The following PTCHD4 variants were observed in gnomAD, a reference collection of about 807,000 sequenced individuals.
PTCHD4 encodes patched domain-containing protein 4.
Under a neutral mutation model 58.1 loss-of-function variants are expected in PTCHD4, and 33 were observed. That is an observed-to-expected ratio of 0.57 (90% confidence interval 0.43 to 0.76). PTCHD4 has a LOEUF of 0.76. PTCHD4 is among the 30% of genes least tolerant of loss of function. The pLI, the probability that PTCHD4 is intolerant of heterozygous loss-of-function variation, is 0.00. For synonymous variants in PTCHD4, 478 were observed against 409.6 expected (o/e 1.17, Z -2.02); for missense variants, 1,058 against 1,027.1 (o/e 1.03, Z -0.41).
chr6:47,965,755 C>G (rs1390291425), intron 4 of PTCHD4, among the ~76,000 whole-genome samples: 1 of 151,948 alleles, frequency 6.6e-6, no homozygotes, highest in Admixed American at 6.6e-5. Context: ...GGTGAAACCC[C>G]GTCTCTACTA....
chr6:47,951,825 A>C (rs1236092061), intron 4 of PTCHD4, among the ~76,000 whole-genome samples: 1 of 152,132 alleles, frequency 6.6e-6, no homozygotes, highest in Admixed American at 6.6e-5. Context: ...ATATTACAAT[A>C]ATCTTTAGAA....
At chr6:48,028,454 A>C (rs1438623699) in intron 3 of PTCHD4, among the ~76,000 whole-genome samples, 1 of 152,148 alleles carries the variant, frequency 6.6e-6, no homozygotes, top group Non-Finnish European at 1.5e-5. Flanking sequence ...AAGGAATTTT[A>C]TGTGTGATGA....
chr6:47,977,198 T>C (rs1020154941), intron 4 of PTCHD4, among the ~76,000 whole-genome samples: 1 of 152,068 alleles, frequency 6.6e-6, no homozygotes, highest in Non-Finnish European at 1.5e-5. Context: ...TGACTCTCAA[T>C]GATCCACACC....
intron 4 of PTCHD4, among the ~76,000 whole-genome samples, chr6:47,989,034 G>A (rs1477969013): frequency 6.6e-6 from 1 of 152,234 alleles, no homozygotes. Flanking sequence ...TAGCGATATG[G>A]ACGATAAGGT....
At chr6:47,994,833 G>A (rs878920055) in intron 4 of PTCHD4, among the ~76,000 whole-genome samples, 1 of 152,136 alleles carries the variant, frequency 6.6e-6, no homozygotes, top group Non-Finnish European at 1.5e-5. Context: ...GATAGGGTGA[G>A]GGAATACAGG....
intron 4 of PTCHD4, among the ~76,000 whole-genome samples, chr6:47,909,115 T>A (rs1244838043): frequency 6.6e-6 from 1 of 152,290 alleles, no homozygotes; most frequent in South Asian, 2.1e-4. Context: ...ACAGGCTTAA[T>A]GCTACTTTAG....
chr6:47,884,921 T>A (rs969604897), intron 4 of PTCHD4, among the ~76,000 whole-genome samples: 1 of 151,988 alleles, frequency 6.6e-6, no homozygotes, highest in African/African-American at 2.4e-5. Flanking sequence ...TATGAAGAGG[T>A]AGTTGTGTGT....
chr6:47,889,455 TC>T (rs1274977278), intron 4 of PTCHD4, among the ~76,000 whole-genome samples: 1 of 151,680 alleles, frequency 6.6e-6, no homozygotes, highest in Non-Finnish European at 1.5e-5. Context: ...ATAAATGTCT[TC>T]TTTTGAGAAG....
chr6:48,003,104 C>A, intron 4 of PTCHD4, among the ~76,000 whole-genome samples: 1 of 152,162 alleles, frequency 6.6e-6, no homozygotes, highest in East Asian at 1.9e-4. Context: ...AATTTCTAAC[C>A]ATTGAAATGC....
chr6:48,059,042 G>A (rs1159799190), intron 3 of PTCHD4, among the ~76,000 whole-genome samples: 10 of 152,180 alleles, frequency 6.6e-5, no homozygotes, highest in African/African-American at 2.4e-4. Flanking sequence ...GAAGGTCAAC[G>A]CTCAAGAACT....
intron 3 of PTCHD4, among the ~76,000 whole-genome samples, chr6:48,015,229 G>T (rs973105227): frequency 6.6e-6 from 1 of 151,936 alleles, no homozygotes; most frequent in East Asian, 1.9e-4. Context: ...GATGACTTTG[G>T]TTCCTAGCTC....
chr6:47,955,041 A>G (rs1766801179), intron 4 of PTCHD4, among the ~76,000 whole-genome samples: 1 of 152,160 alleles, frequency 6.6e-6, no homozygotes, highest in African/African-American at 2.4e-5. Context: ...AATGATTTAC[A>G]CTCAGTCTCT....
Position 47,870,561 on chromosome 6 carries a change from A to G in PTCHD4, c.*7742T>C, listed in dbSNP as rs1293532114. The stretch of plus-strand genomic sequence containing the variant: ...GAGGTAAATTTTGATAATGGACCAA[A>G]TTCAGGTGAATTGGAAACTTTGGAA... On this transcript the variant is annotated 3_prime_UTR_variant, in exon 5 of 5. Coordinates refer to ENST00000339488, the MANE Select transcript of PTCHD4 (RefSeq NM_001384253.1). Among the ~76,000 whole-genome samples the G allele has an allele frequency of 2.0e-5, 3 of 151,648 alleles. No individual in the cohort carries two copies. Among genetic ancestry groups the G allele is most frequent in the African/African-American group, 7.3e-5 (3 of 41,366 alleles).
At chr6:47,988,331 C>T (rs1219407500) in intron 4 of PTCHD4, among the ~76,000 whole-genome samples, 1 of 152,096 alleles carries the variant, frequency 6.6e-6, no homozygotes, top group African/African-American at 2.4e-5. Flanking sequence ...AACACCCATA[C>T]AATTTTTTGC....
At chr6:47,913,805 T>A (rs1765144130) in intron 4 of PTCHD4, among the ~76,000 whole-genome samples, 1 of 152,136 alleles carries the variant, frequency 6.6e-6, no homozygotes, top group Non-Finnish European at 1.5e-5. Flanking sequence ...CTGCAGAGGT[T>A]GTTAAAATGT....
At chr6:47,942,413 G>A (rs34080914) in intron 4 of PTCHD4, among the ~76,000 whole-genome samples, 505 of 152,178 alleles carry the variant, frequency 3.3e-3, no homozygotes, top group Non-Finnish European at 5.5e-3. Flanking sequence ...CAGGGATTGC[G>A]GAATAAAGAA....
chr6:48,088,751 G>C (rs184614658), intron 1 of PTCHD4, among the ~76,000 whole-genome samples: 6 of 152,198 alleles, frequency 3.9e-5, no homozygotes, highest in Admixed American at 3.9e-4. Flanking sequence ...TAGTTTAAAG[G>C]AATGGGGGAT....
intron 1 of PTCHD4, among the ~76,000 whole-genome samples, chr6:48,086,779 C>T (rs997924035): frequency 6.6e-6 from 1 of 151,996 alleles, no homozygotes; most frequent in Non-Finnish European, 1.5e-5. Context: ...AGGAAAACAT[C>T]CAATATGTAG....
chr6:48,067,312 C>A (rs1395973300), intron 3 of PTCHD4, among the ~76,000 whole-genome samples: 2 of 152,132 alleles, frequency 1.3e-5, no homozygotes, highest in Non-Finnish European at 2.9e-5. Context: ...ATATTTAATG[C>A]TGAAATGACC....
Sources: allele counts gnomAD v4.1 joint callset (sites outside exome capture counted in the v4.1 genomes callset), GRCh38; gene constraint gnomAD v4.1.1; transcripts MANE v1.5; gene names NCBI Gene and HGNC (gene_info 2026-07-23, HGNC 2026-07-21).